MCC: variants seen among roughly 807,000 people sequenced by gnomAD.
MCC encodes MCC regulator of Wnt signaling pathway, also known as colorectal mutant cancer protein.
Under a neutral mutation model 116.2 loss-of-function variants are expected in MCC, and 90 were observed. That is an observed-to-expected ratio of 0.77 (90% CI 0.65 to 0.92). MCC has a LOEUF of 0.92. Among genes scored for constraint, MCC ranks in the 40% least tolerant of loss-of-function variants. The probability of loss-of-function intolerance (pLI) is 0.00; values close to 1 mark genes in which losing one functional copy is unlikely to be tolerated. For synonymous variants in MCC, 578 were observed against 510.5 expected (o/e 1.13, Z -1.78); for missense variants, 1,516 against 1,312.2 (o/e 1.16, Z -2.40).
chr5:113,151,797 A>C (rs1051989925), intron 3 of MCC, among the ~76,000 whole-genome samples: 4 of 152,168 alleles, frequency 2.6e-5, no homozygotes, highest in African/African-American at 7.2e-5. Context: ...GAACCATATT[A>C]ATTTTCACCT....
At chr5:113,483,220 T>C (rs1020833275) in intron 1 of MCC, among the ~76,000 whole-genome samples, 5 of 152,212 alleles carry the variant, frequency 3.3e-5, no homozygotes, top group African/African-American at 1.2e-4. Context: ...TCCAACTTTG[T>C]TCTTTTTCAA....
At chr5:113,055,852 C>G (rs745958113) in intron 14 of MCC, among the ~76,000 whole-genome samples, 12 of 152,126 alleles carry the variant, frequency 7.9e-5, no homozygotes, top group African/African-American at 2.9e-4. Context: ...GAGTGAACCT[C>G]GTCTAATCAG....
At chr5:113,265,778 A>G (rs999509651) in intron 3 of MCC, among the ~76,000 whole-genome samples, 38 of 151,608 alleles carry the variant, frequency 2.5e-4, no homozygotes, top group African/African-American at 8.0e-4. Context: ...CAGGATTTAC[A>G]CCTCCCCTGC....
intron 3 of MCC, among the ~76,000 whole-genome samples, chr5:113,328,445 T>G (rs1356945146): frequency 6.6e-6 from 1 of 152,178 alleles, no homozygotes. Flanking sequence ...CAGAAGAATC[T>G]ACTGAGAAGT....
At chr5:113,094,908 T>G (rs571163795) in intron 8 of MCC, among the ~76,000 whole-genome samples, 1 of 152,220 alleles carries the variant, frequency 6.6e-6, no homozygotes, top group Non-Finnish European at 1.5e-5. Context: ...AAGGCCCTCA[T>G]GAAGTAACTG....
At chr5:113,342,086 T>C (rs891311378) in intron 2 of MCC, among the ~76,000 whole-genome samples, 28 of 152,052 alleles carry the variant, frequency 1.8e-4, no homozygotes, top group African/African-American at 6.5e-4. Flanking sequence ...TGAGAACATA[T>C]GATGTTTGGT....
intron 5 of MCC, among the ~76,000 whole-genome samples, chr5:113,138,854 T>C (rs1439004765): frequency 1.3e-5 from 2 of 152,208 alleles, no homozygotes; most frequent in East Asian, 1.9e-4. Flanking sequence ...AAGTTTACTG[T>C]ACTCACTTGT....
At chr5:113,107,738 G>A (rs1241717624) in intron 6 of MCC, among the ~76,000 whole-genome samples, 1 of 152,180 alleles carries the variant, frequency 6.6e-6, no homozygotes, top group South Asian at 2.1e-4. Context: ...GACATTCTGT[G>A]CTGACTTCCC....
At chr5:113,181,738 A>C (rs1007172) in intron 3 of MCC, among the ~76,000 whole-genome samples, 88,304 of 152,028 alleles carry the variant, frequency 0.58, 28,191 homozygotes, top group Admixed American at 0.73. Context: ...ATCTGCCTGG[A>C]GAGTTCCCTT....
chr5:113,184,086 G>A (rs982546806), intron 3 of MCC, among the ~76,000 whole-genome samples: 2 of 152,196 alleles, frequency 1.3e-5, no homozygotes, highest in Admixed American at 6.5e-5. Flanking sequence ...AATTTTTAAA[G>A]TGATCTCAAA....
At chr5:113,316,716 C>T (rs1432012121) in intron 3 of MCC, among the ~76,000 whole-genome samples, 2 of 152,158 alleles carry the variant, frequency 1.3e-5, no homozygotes, top group African/African-American at 2.4e-5. Flanking sequence ...CAGCTCTGAA[C>T]ATATGCTAGC....
chr5:113,069,182 A>G (rs1316008675), intron 12 of MCC, among the ~76,000 whole-genome samples: 2 of 152,270 alleles, frequency 1.3e-5, no homozygotes, highest in Non-Finnish European at 2.9e-5. Context: ...GAACAGTTCC[A>G]CCATCACAGA....
At chr5:113,109,657 A>T (rs1373224508) in intron 6 of MCC, among the ~76,000 whole-genome samples, 1 of 152,256 alleles carries the variant, frequency 6.6e-6, no homozygotes, top group South Asian at 2.1e-4. Flanking sequence ...TTACCACAAT[A>T]AATATAATAA....
intron 6 of MCC, among the ~76,000 whole-genome samples, chr5:113,114,923 G>A (rs984425750): frequency 1.7e-4 from 25 of 150,862 alleles, no homozygotes; most frequent in African/African-American, 1.2e-4. Context: ...TGCCATGGGC[G>A]CAGATGCTAA....
intron 8 of MCC, among the ~76,000 whole-genome samples, chr5:113,087,461 C>T (rs1415146301): frequency 1.3e-5 from 2 of 152,162 alleles, no homozygotes; most frequent in African/African-American, 2.4e-5. Flanking sequence ...TTACAGGACT[C>T]GTTCTGAAAT....
At chr5:113,415,582 G>A (rs543146307) in intron 1 of MCC, among the ~76,000 whole-genome samples, 31 of 151,988 alleles carry the variant, frequency 2.0e-4, no homozygotes, top group East Asian at 3.9e-4. Flanking sequence ...TTGTGCATGC[G>A]TCACGTAGTT....
intron 1 of MCC, among the ~76,000 whole-genome samples, chr5:113,403,034 A>T (rs1370362931): frequency 2.6e-5 from 4 of 152,146 alleles, no homozygotes; most frequent in Admixed American, 1.3e-4. Flanking sequence ...TTCAGTGTTC[A>T]AAGACTTTCA....
At chr5:113,055,722 G>A (rs1404291345) in intron 14 of MCC, among the ~76,000 whole-genome samples, 1 of 152,190 alleles carries the variant, frequency 6.6e-6, no homozygotes, top group Non-Finnish European at 1.5e-5. Flanking sequence ...ACGTCAGCTG[G>A]GCTGGGCTAT....
Position 113,459,133 on chromosome 5 carries a change from ATGTGTGTGTGTG to A in MCC, c.170+29100_170+29111del, listed in dbSNP as rs542497591. Among the ~76,000 whole-genome samples the A allele has an allele frequency of 6.3e-3, 432 of 68,360 alleles. 2 individuals carry two copies. The highest frequency in any genetic ancestry group is 0.021 in the African/African-American group (355 of 17,292). 44.8% of individuals were successfully genotyped at this position (68,360 alleles called of 152,430 possible). Reference sequence around the variant, plus strand: ...GAGGTCTCTGGGGAGGAGTAAGGATATGTGTGTGTGTGTGTGTGTGTGTGTGTGTGTGTGTGT... The same window carrying A: ...GAGGTCTCTGGGGAGGAGTAAGGATATGTGTGTGTGTGTGTGTGTGTGTGT... On this transcript the variant is annotated intron_variant, in intron 1 of 18. Coordinates refer to ENST00000408903, the MANE Select transcript of MCC (RefSeq NM_001085377.2).
Sources: allele counts gnomAD v4.1 joint callset (sites outside exome capture counted in the v4.1 genomes callset), GRCh38; gene constraint gnomAD v4.1.1; transcripts MANE v1.5; gene names NCBI Gene and HGNC (gene_info 2026-07-23, HGNC 2026-07-21).